Variants in CHD1L observed in about 807,000 individuals in gnomAD.
The protein encoded by CHD1L is ATP-dependent chromatin remodeler CHD1L.
CHD1L carries 118 observed loss-of-function variants against 115.9 expected under a neutral mutation model. That is an observed-to-expected ratio of 1.02 (90% CI 0.88 to 1.19). The LOEUF (loss-of-function observed/expected upper bound fraction) is 1.19, where lower values mean the gene tolerates loss of function less well. Among genes scored for constraint, CHD1L ranks in the 50% most tolerant of loss-of-function variants. The pLI, the probability that CHD1L is intolerant of heterozygous loss-of-function variation, is 0.00. For synonymous variants in CHD1L, 411 were observed against 387.1 expected (o/e 1.06, Z -0.72); for missense variants, 1,179 against 1,065.3 (o/e 1.11, Z -1.49).
the CHD1L span, chr1:147,178,015 AT>A: frequency 3.3e-6 from 2 of 611,134 alleles, no homozygotes; most frequent in Non-Finnish European, 2.7e-6. Flanking sequence ...CAAAAACTAA[AT>A]TAGTAGAAAA....
rs587606415 is a variant in CHD1L at position 147,283,761 on chromosome 1, G to A, written c.1706-590G>A. Among the ~76,000 whole-genome samples, 200 of 152,250 alleles carry A rather than the reference G, an allele frequency of 1.3e-3. 1 individual carries two copies. The highest frequency in any genetic ancestry group is 4.6e-3 in the African/African-American group (191 of 41,554). On this transcript the variant is annotated intron_variant, in intron 15 of 22. Coordinates refer to ENST00000369258, the MANE Select transcript of CHD1L (RefSeq NM_004284.6). Reference sequence around the variant, plus strand: ...AAAGAGCACACTGGCCTTAGAATCAGAAAATCCTGCCTCTTCCAGTGAGAA... The same window carrying A: ...AAAGAGCACACTGGCCTTAGAATCAAAAAATCCTGCCTCTTCCAGTGAGAA...
At chr1:147,184,651 G>C in the CHD1L span, 1 of 1,510,944 alleles carries the variant, frequency 6.6e-7, no homozygotes, top group Non-Finnish European at 8.9e-7. This position sits in a 1 kb window ranked among gnomAD's most constrained non-coding sequence, Gnocchi z 4.4. Context: ...GTTTTTGAGA[G>C]GAATACAACA....
At chr1:147,213,340 G>A in the CHD1L span, 1 of 1,612,358 alleles carries the variant, frequency 6.2e-7, no homozygotes, top group African/African-American at 1.3e-5. Context: ...ATGAGCATTG[G>A]TGTGATGGCC....
Position 147,293,672 on chromosome 1 carries a change from C to T in CHD1L, c.2456C>T (p.Ala819Val). The T allele has an allele frequency of 6.2e-7, 1 of 1,614,126 alleles. No homozygotes were observed. Among genetic ancestry groups the T allele is most frequent in the Non-Finnish European group, 8.5e-7 (1 of 1,179,990 alleles). Reference protein sequence around the residue: ...SNVLSGIKMAALEEGLKKIFL... With the variant: ...SNVLSGIKMAVLEEGLKKIFL... ...GTCCTGTCTGGCATTAAGATGGCAG[C>T]CCTAGAAGAGGGCCTGAAGAAGATA... Residue 819 changes from alanine (A) to valine (V), a missense_variant, in exon 21 of 23, where the codon GCC (alanine) becomes GTC (valine). Ala to Val is a moderately conservative substitution (Grantham distance 64, BLOSUM62 0). Transcript: ENST00000369258.
At chr1:147,223,316 G>A in the CHD1L span, among the ~76,000 whole-genome samples, 1 of 152,214 alleles carries the variant, frequency 6.6e-6, no homozygotes, top group African/African-American at 2.4e-5. Context: ...ATCCACTCCA[G>A]ATCTGAATAA....
intron 21 of CHD1L, 30 bp downstream of exon 21, chr1:147,293,752 G>A (rs1559918280): frequency 6.4e-7 from 1 of 1,569,368 alleles, no homozygotes; most frequent in East Asian, 2.2e-5. Flanking sequence ...CTCAAGAGTA[G>A]ATGAATTTGT....
At chr1:147,204,858 T>C in the CHD1L span, 1 of 1,601,002 alleles carries the variant, frequency 6.2e-7, no homozygotes, top group Non-Finnish European at 8.6e-7. Flanking sequence ...CAGCCTCTTC[T>C]AATTCTGAAA....
intron 9 of CHD1L, 130 bp from the exon 10 acceptor site, chr1:147,268,652 A>T: frequency 1.6e-6 from 1 of 644,110 alleles, no homozygotes; most frequent in Non-Finnish European, 2.8e-6. Flanking sequence ...ATTGGTGTTA[A>T]GCAGGACTGA....
chr1:147,225,909 G>GACTCCT, the CHD1L span: 1 of 152,210 alleles, frequency 6.6e-6, no homozygotes, highest in Non-Finnish European at 1.5e-5. Context: ...ACAACTTTAA[G>GACTCCT]GGGTCCACGT....
At chr1:147,266,581 G>A (rs1187742487) in intron 8 of CHD1L, among the ~76,000 whole-genome samples, 2 of 152,292 alleles carry the variant, frequency 1.3e-5, no homozygotes, top group African/African-American at 4.8e-5. Context: ...GCGTATCCAC[G>A]CCGTCAGCGT....
intron 2 of CHD1L, among the ~76,000 whole-genome samples, chr1:147,254,476 G>A (rs1423165499): frequency 2.6e-5 from 4 of 152,154 alleles, no homozygotes; most frequent in African/African-American, 9.7e-5. Context: ...GCCACCATGC[G>A]ATTGGCCGTT....
chr1:147,255,747 C>A, intron 3 of CHD1L, 66 bp from the exon 4 acceptor site: 1 of 1,119,638 alleles, frequency 8.9e-7, no homozygotes, highest in Non-Finnish European at 1.3e-6. Flanking sequence ...TGTAATTTTC[C>A]AGATATGCAC....
intron 12 of CHD1L, among the ~76,000 whole-genome samples, chr1:147,273,656 T>A (rs1470188236): frequency 6.6e-6 from 1 of 152,190 alleles, no homozygotes; most frequent in Non-Finnish European, 1.5e-5. Context: ...GATTTCATCA[T>A]CCTCATATTC....
chr1:147,178,701 T>G, the CHD1L span: 10,627 of 1,575,358 alleles, frequency 6.7e-3, 65 homozygotes, highest in Non-Finnish European at 7.3e-3. Context: ...TGAACGAGTA[T>G]GATGATAACG....
chr1:147,259,063 CCATTTTTTGCTGTTTTAAA>C (rs1335162795), intron 5 of CHD1L: 1 of 151,964 alleles, frequency 6.6e-6, no homozygotes, highest in African/African-American at 2.4e-5. Context: ...AGGTTATTTT[CCATTTTTTGCTGTTTTAAA>C]TAATACAACT....
chr1:147,184,443 C>A, the CHD1L span: 3 of 1,386,232 alleles, frequency 2.2e-6, no homozygotes, highest in Non-Finnish European at 1.9e-6. This position sits in a 1 kb window ranked among gnomAD's most constrained non-coding sequence, Gnocchi z 4.4. Flanking sequence ...ACTTAAAGTT[C>A]TTTTTCTGTT....
At chr1:147,183,188 ACT>A in the CHD1L span, among the ~76,000 whole-genome samples, 1 of 152,006 alleles carries the variant, frequency 6.6e-6, no homozygotes, top group African/African-American at 2.4e-5. Context: ...ACAGAGCGAG[ACT>A]CTGTCTCAAA....
intron 15 of CHD1L, 73 bp downstream of exon 15, chr1:147,280,264 T>C (rs1399827763): frequency 1.4e-6 from 2 of 1,451,772 alleles, no homozygotes; most frequent in Non-Finnish European, 1.8e-6. Flanking sequence ...ATGGAAAGTT[T>C]TGGATGCTGC....
At chr1:147,263,690 C>T (rs900488656) in intron 6 of CHD1L, among the ~76,000 whole-genome samples, 1 of 151,706 alleles carries the variant, frequency 6.6e-6, no homozygotes. Context: ...CCAGAACCTT[C>T]CTAACCTTCT....
Sources: gnomAD v4.1 joint callset for allele counts (sites outside exome capture counted in the v4.1 genomes callset) on GRCh38, gnomAD v4.1.1 for gene constraint, Gnocchi (gnomAD v3.1) non-coding constraint, MANE v1.5 for transcripts, NCBI Gene and HGNC (gene_info 2026-07-23, HGNC 2026-07-21) for gene names.